MDGA2: variants seen among roughly 807,000 people sequenced by gnomAD.
MDGA2 encodes the protein MAM domain-containing glycosylphosphatidylinositol anchor protein 2.
In MDGA2, 40 loss-of-function variants were observed where a neutral mutation model predicts 117.8. That is an observed-to-expected ratio of 0.34 (90% CI 0.26 to 0.44). MDGA2 has a LOEUF of 0.44. Ranked by LOEUF, MDGA2 falls within the 20% of genes least tolerant of loss-of-function variation. The pLI, the probability that MDGA2 is intolerant of heterozygous loss-of-function variation, is 1.00. For synonymous variants in MDGA2, 452 were observed against 439.0 expected (o/e 1.03, Z -0.37); for missense variants, 1,123 against 1,250.6 (o/e 0.90, Z 1.54).
chr14:47,038,883 G>C (rs1280634068), intron 7 of MDGA2, among the ~76,000 whole-genome samples: 2 of 151,456 alleles, frequency 1.3e-5, no homozygotes, highest in African/African-American at 4.9e-5. Context: ...TCAGGAGGTG[G>C]AGGCTGCAGT....
intron 2 of MDGA2, among the ~76,000 whole-genome samples, chr14:47,277,892 T>C (rs1566716328): frequency 6.6e-6 from 1 of 152,098 alleles, no homozygotes; most frequent in Non-Finnish European, 1.5e-5. Flanking sequence ...TCACCCTAAG[T>C]AAGAATTTCT....
intron 3 of MDGA2, among the ~76,000 whole-genome samples, chr14:47,211,196 C>T (rs1885869876): frequency 6.6e-6 from 1 of 152,072 alleles, no homozygotes; most frequent in Admixed American, 6.6e-5. Flanking sequence ...GGATTATTCT[C>T]CCTTATTTCG....
At chr14:47,094,987 A>C (rs913159113) in intron 6 of MDGA2, among the ~76,000 whole-genome samples, 9 of 152,024 alleles carry the variant, frequency 5.9e-5, no homozygotes, top group African/African-American at 2.4e-5. Context: ...TTTGTTTTCT[A>C]TATATTTCCA....
chr14:47,178,286 G>C (rs1348528145), intron 3 of MDGA2, among the ~76,000 whole-genome samples: 1 of 152,020 alleles, frequency 6.6e-6, no homozygotes, highest in Non-Finnish European at 1.5e-5. Flanking sequence ...ACTTTTCTAG[G>C]GCCATTGTTT....
intron 6 of MDGA2, among the ~76,000 whole-genome samples, chr14:47,077,719 A>G (rs1890546797): frequency 6.6e-6 from 1 of 152,120 alleles, no homozygotes; most frequent in South Asian, 2.1e-4. Flanking sequence ...TGAAAAAAAA[A>G]GTGCAATAAA....
intron 1 of MDGA2, among the ~76,000 whole-genome samples, chr14:47,581,881 C>T (rs1230493925): frequency 6.6e-6 from 1 of 151,918 alleles, no homozygotes; most frequent in Non-Finnish European, 1.5e-5. Flanking sequence ...AATTATTTTA[C>T]ATAGCTGTTT....
intron 1 of MDGA2, among the ~76,000 whole-genome samples, chr14:47,569,095 A>G (rs912390272): frequency 6.6e-6 from 1 of 152,062 alleles, no homozygotes; most frequent in African/African-American, 2.4e-5. Context: ...TTTGTTTTTA[A>G]TACCTTTATT....
At chr14:47,085,546 C>G (rs113979907) in intron 6 of MDGA2, among the ~76,000 whole-genome samples, 20 of 151,994 alleles carry the variant, frequency 1.3e-4, no homozygotes, top group African/African-American at 4.3e-4. Flanking sequence ...TTCTTTCCAA[C>G]TACAAAACTT....
chr14:47,246,844 T>A (rs180972085), intron 2 of MDGA2, among the ~76,000 whole-genome samples: 21 of 64,848 alleles, frequency 3.2e-4, no homozygotes, highest in African/African-American at 1.3e-3. Flanking sequence ...CTCAGACGTA[T>A]CAACAAAAAG....
At chr14:47,540,540 G>GTGTATATATATATATA in intron 1 of MDGA2, among the ~76,000 whole-genome samples, 2 of 79,186 alleles carry the variant, frequency 2.5e-5, no homozygotes, top group African/African-American at 7.8e-5. Flanking sequence ...GTGTGTGTGT[G>GTGTATATATATATATA]TATATATATA....
intron 1 of MDGA2, among the ~76,000 whole-genome samples, chr14:47,304,941 T>G (rs1889395438): frequency 6.6e-6 from 1 of 152,152 alleles, no homozygotes; most frequent in Non-Finnish European, 1.5e-5. Context: ...AATGATTATC[T>G]TCTCTTTTCT....
At chr14:47,153,264 CA>C (rs1883232085) in intron 3 of MDGA2, among the ~76,000 whole-genome samples, 1 of 152,046 alleles carries the variant, frequency 6.6e-6, no homozygotes, top group East Asian at 1.9e-4. Context: ...TGAACAATGA[CA>C]GGGGCTTTGA....
intron 6 of MDGA2, among the ~76,000 whole-genome samples, chr14:47,073,853 T>C (rs376946094): frequency 1.8e-4 from 28 of 152,254 alleles, no homozygotes; most frequent in African/African-American, 6.7e-4. Flanking sequence ...TCCTCTCACG[T>C]TCCTTCAAAA....
At chr14:47,563,049 A>AT (rs1214943714) in intron 1 of MDGA2, among the ~76,000 whole-genome samples, 9 of 151,996 alleles carry the variant, frequency 5.9e-5, no homozygotes, top group East Asian at 5.8e-4. Context: ...GTTTTGAGTC[A>AT]TTTTTTTAGT....
intron 10 of MDGA2, among the ~76,000 whole-genome samples, chr14:46,893,051 C>A (rs1481038748): frequency 6.6e-6 from 1 of 151,882 alleles, no homozygotes; most frequent in Non-Finnish European, 1.5e-5. Flanking sequence ...ACTGCACACC[C>A]ATGTTTATTG....
At chr14:47,498,627 A>T (rs1004911736) in intron 1 of MDGA2, among the ~76,000 whole-genome samples, 1 of 152,134 alleles carries the variant, frequency 6.6e-6, no homozygotes, top group Non-Finnish European at 1.5e-5. Flanking sequence ...TTTCTAACAC[A>T]CTCAAGTCAG....
At chr14:47,644,682 T>C (rs1032990306) in intron 1 of MDGA2, among the ~76,000 whole-genome samples, 1 of 151,050 alleles carries the variant, frequency 6.6e-6, no homozygotes, top group Non-Finnish European at 1.5e-5. Flanking sequence ...GTACTGTAAA[T>C]TTGAAAAAAA....
intron 2 of MDGA2, among the ~76,000 whole-genome samples, chr14:47,250,829 T>C (rs981017794): frequency 5.3e-5 from 8 of 152,222 alleles, no homozygotes; most frequent in African/African-American, 1.9e-4. Flanking sequence ...TTTTAAGGCA[T>C]AGGCACAAAT....
intron 9 of MDGA2, among the ~76,000 whole-genome samples, chr14:46,923,655 A>G: frequency 6.7e-6 from 1 of 150,108 alleles, no homozygotes; most frequent in Non-Finnish European, 1.5e-5. Flanking sequence ...CATACTTTCT[A>G]CTGAGCCTAC....
Sources: allele counts gnomAD v4.1 joint callset (sites outside exome capture counted in the v4.1 genomes callset), GRCh38; gene constraint gnomAD v4.1.1; transcripts MANE v1.5; gene names NCBI Gene and HGNC (gene_info 2026-07-23, HGNC 2026-07-21).